The following YWHAB variants were observed in gnomAD, a reference collection of about 807,000 sequenced individuals.
YWHAB encodes the protein 14-3-3 protein beta/alpha.
In YWHAB, 2 loss-of-function variants were observed where a neutral mutation model predicts 28.5. That is an observed-to-expected ratio of 0.07 (90% CI 0.03 to 0.22). The LOEUF (loss-of-function observed/expected upper bound fraction) is 0.22, where lower values mean the gene tolerates loss of function less well. Among genes scored for constraint, YWHAB ranks in the 10% least tolerant of loss-of-function variants. The probability of loss-of-function intolerance (pLI) is 1.00; values close to 1 mark genes in which losing one functional copy is unlikely to be tolerated. For missense variants in YWHAB, 148 were observed against 297.1 expected (o/e 0.50, Z 3.69); for synonymous variants, 103 against 104.7 (o/e 0.98, Z 0.10).
At chr20:44,899,529 T>C (rs1402973116) in intron 1 of YWHAB, among the ~76,000 whole-genome samples, 1 of 152,206 alleles carries the variant, frequency 6.6e-6, no homozygotes, top group African/African-American at 2.4e-5. Context: ...TACTACTGTT[T>C]AAAGTAGCAT....
At chr20:44,890,977 A>T (rs909695641) in intron 1 of YWHAB, among the ~76,000 whole-genome samples, 3 of 152,198 alleles carry the variant, frequency 2.0e-5, no homozygotes, top group African/African-American at 7.2e-5. Flanking sequence ...AATGAGGTAC[A>T]TAGTAAGTTT....
At chr20:44,887,190 CCCT>C (rs2066533689) in intron 1 of YWHAB, 1 of 152,160 alleles carries the variant, frequency 6.6e-6, no homozygotes. Flanking sequence ...TTTGTTTGAG[CCCT>C]CATTTTTCTT....
In YWHAB at chr20:44,885,767, C is replaced by CGCT. The variant is rs1435956528; in HGVS notation, c.-121_-120insTGC. ...GAGCCGGGGTAGTCGCCGCCGCCGC[C>CGCT]GCCGCTGCAGCCACTGCAGGCACCG... is the stretch of plus-strand genomic sequence containing the variant. On this transcript the variant is annotated 5_prime_UTR_variant, in exon 1 of 6. Coordinates refer to ENST00000353703, the MANE Select transcript of YWHAB (RefSeq NM_139323.4). The CGCT allele has an allele frequency of 1.6e-5, 3 of 182,238 alleles. No individual in the cohort carries two copies. Among genetic ancestry groups the CGCT allele is most frequent in the Non-Finnish European group, 3.4e-5 (3 of 88,726 alleles). The allele number at this position is 182,238 out of a possible 1,614,324, so 11.3% of individuals were successfully genotyped here. A position where few individuals can be genotyped will look rare whatever the true frequency, so the allele number is the denominator to read the frequency against.
At chr20:44,886,405 C>T (rs1003044976) in intron 1 of YWHAB, 1 of 152,238 alleles carries the variant, frequency 6.6e-6, no homozygotes, top group Non-Finnish European at 1.5e-5. Context: ...GAACCCCCTC[C>T]CATTTTGCAG....
At chr20:44,902,054 C>T in intron 2 of YWHAB, 2 of 453,560 alleles carry the variant, frequency 4.4e-6, no homozygotes, top group Non-Finnish European at 7.5e-6. Context: ...CCTCTCCTAT[C>T]AAAAAGACCT....
At chr20:44,893,263 A>C (rs1307604282) in intron 1 of YWHAB, among the ~76,000 whole-genome samples, 4 of 152,166 alleles carry the variant, frequency 2.6e-5, no homozygotes, top group Non-Finnish European at 2.9e-5. Context: ...TATTTTCAGC[A>C]TTTATTATCT....
chr20:44,893,697 T>C (rs1288919343), intron 1 of YWHAB, among the ~76,000 whole-genome samples: 4 of 142,908 alleles, frequency 2.8e-5, no homozygotes, highest in Middle Eastern at 6.5e-3. Flanking sequence ...CCCCTGCCTT[T>C]TTTTTTTTTT....
chr20:44,893,687 C>G (rs1322417426), intron 1 of YWHAB, among the ~76,000 whole-genome samples: 1 of 147,580 alleles, frequency 6.8e-6, no homozygotes, highest in Non-Finnish European at 1.5e-5. Context: ...CTCCTTCCCT[C>G]CCCTGCCTTT....
Position 44,908,168 on chromosome 20 carries a change from A to G in YWHAB, c.*1730A>G, listed in dbSNP as rs1280801527. The G allele has an allele frequency of 7.7e-6, 1 of 130,628 alleles. No individual in the cohort carries two copies. Among genetic ancestry groups the G allele is most frequent in the Non-Finnish European group, 1.6e-5 (1 of 61,996 alleles). 8.1% of individuals were successfully genotyped at this position (130,628 alleles called of 1,614,324 possible). A position where few individuals can be genotyped will look rare whatever the true frequency, so the allele number is the denominator to read the frequency against. ...ATTTAAAACAAACCAAAAAAAAAGA[A>G]AAAAACAAAAAAAAAAATCCCTCCT... On this transcript the variant is annotated 3_prime_UTR_variant, in exon 6 of 6. Coordinates refer to ENST00000353703, the MANE Select transcript of YWHAB (RefSeq NM_139323.4).
chr20:44,890,052 TC>T (rs889677151), intron 1 of YWHAB, among the ~76,000 whole-genome samples: 19 of 152,368 alleles, frequency 1.2e-4, no homozygotes, highest in African/African-American at 4.6e-4. Flanking sequence ...TTTCTAGGAA[TC>T]CCTGAGTGCT....
At chr20:44,906,163 C>G (rs1447807428) in intron 5 of YWHAB, 67 bp downstream of exon 5, 1 of 1,335,166 alleles carries the variant, frequency 7.5e-7, no homozygotes, top group East Asian at 2.3e-5. Context: ...TCACTGTTAT[C>G]TTCAAGAGGG....
rs747947370 is a variant in YWHAB, at chr20:44,904,010, T to C, written c.318T>C (p.Tyr106=). The C allele has an allele frequency of 1.7e-5, 27 of 1,595,982 alleles. No homozygotes were observed. Among genetic ancestry groups the C allele is most frequent in the Non-Finnish European group, 2.3e-5 (27 of 1,175,822 alleles). The part of the protein sequence containing the change: ...CNDVLELLDK[Y]LIPNATQPES... ...TTTTTTAGGAGCTGTTGGACAAATA[T>C]CTTATTCCCAATGCTACACAACCAG... Residue 106 remains tyrosine, a synonymous_variant, in exon 3 of 6, where the codon TAT becomes TAC. Transcript: ENST00000353703.
At position 44,895,824 on chromosome 20, in the gene YWHAB, C is replaced by A. The variant is rs1029005341; in HGVS notation, c.-3-5707C>A. ...GCACAGAAATTCAAGAAACTAGGTA[C>A]AAATGTAATGAAGATTTAATATGCT... On this transcript the variant is annotated intron_variant, in intron 1 of 5. Coordinates refer to ENST00000353703, the MANE Select transcript of YWHAB (RefSeq NM_139323.4). 1.3e-4 allele frequency among the ~76,000 whole-genome samples: 20 copies of A among 152,180 alleles called. 1 individual carries two copies. Among genetic ancestry groups the A allele is most frequent in the African/African-American group, 4.8e-4 (20 of 41,428 alleles).
At chr20:44,888,344 C>G (rs143396729) in intron 1 of YWHAB, among the ~76,000 whole-genome samples, 255 of 152,282 alleles carry the variant, frequency 1.7e-3, no homozygotes, top group African/African-American at 5.8e-3. Context: ...CTTTTAAGCA[C>G]TTTAAGCATA....
At position 44,901,383 on chromosome 20, in the gene YWHAB, T is replaced by A; in HGVS notation, c.-3-148T>A. ...TACTTAACCCTAGAGGTGTTTGATA[T>A]ATCATCAATATTGTTGATGGCATTT... is the stretch of plus-strand genomic sequence containing the variant. On this transcript the variant is annotated intron_variant, in intron 1 of 5. Transcript: ENST00000353703. The A allele has an allele frequency of 3.7e-6, 3 of 815,298 alleles. No homozygotes were observed. In the East Asian group the frequency reaches 7.5e-5, roughly 20 times the overall value. 50.5% of individuals were successfully genotyped at this position (815,298 alleles called of 1,614,324 possible). A position where few individuals can be genotyped will look rare whatever the true frequency, so the allele number is the denominator to read the frequency against.
intron 1 of YWHAB, among the ~76,000 whole-genome samples, chr20:44,897,085 T>G (rs1216094869): frequency 6.6e-6 from 1 of 152,230 alleles, no homozygotes; most frequent in Non-Finnish European, 1.5e-5. Flanking sequence ...GGGTGCATTT[T>G]ATTTTGGGAA....
At chr20:44,893,426 G>A (rs1173524524) in intron 1 of YWHAB, among the ~76,000 whole-genome samples, 1 of 151,972 alleles carries the variant, frequency 6.6e-6, no homozygotes, top group East Asian at 1.9e-4. Context: ...TTTTAAAAAA[G>A]TAATACATAC....
At chr20:44,902,893 G>A in intron 2 of YWHAB, 1 of 226,296 alleles carries the variant, frequency 4.4e-6, no homozygotes, top group Non-Finnish European at 7.4e-6. Flanking sequence ...ATTCCTGAAT[G>A]TTAGGTACAT....
In YWHAB at chr20:44,901,528, T is replaced by C; in HGVS notation, c.-3-3T>C. 6.3e-7 allele frequency: 1 copy of C among 1,583,760 alleles called. No homozygotes were observed. Among genetic ancestry groups the C allele is most frequent in the Non-Finnish European group, 8.6e-7 (1 of 1,157,622 alleles). ...CTTTCTTTTTCTCTTGCTCTTGTTC[T>C]AGGGAATGACAATGGATAAAAGTGA... On this transcript the variant is annotated splice_polypyrimidine_tract_variant and splice_region_variant and intron_variant, in intron 1 of 5. Transcript: ENST00000353703.
Sources: allele counts gnomAD v4.1 joint callset (sites outside exome capture counted in the v4.1 genomes callset), GRCh38; gene constraint gnomAD v4.1.1; transcripts MANE v1.5; gene names NCBI Gene and HGNC (gene_info 2026-07-23, HGNC 2026-07-21).